The following CSMD1 variants were observed in gnomAD, a reference collection of about 807,000 sequenced individuals.
CSMD1 encodes the protein CUB and sushi domain-containing protein 1.
CSMD1 carries 213 observed loss-of-function variants against 417.5 expected under a neutral mutation model. That is an observed-to-expected ratio of 0.51 (90% CI 0.46 to 0.57). The LOEUF is 0.57. Among genes scored for constraint, CSMD1 ranks in the 20% least tolerant of loss-of-function variants. The pLI is 0.00. For missense variants in CSMD1, 6,923 were observed against 4,529.7 expected (o/e 1.53, Z -15.17); for synonymous variants, 2,862 against 1,736.8 (o/e 1.65, Z -16.11).
chr8:4,027,810 C>G (rs933928363), intron 4 of CSMD1, among the ~76,000 whole-genome samples: 2 of 149,616 alleles, frequency 1.3e-5, no homozygotes, highest in Admixed American at 6.7e-5. Context: ...GGCCAAGACA[C>G]TTGAAATGAA....
At chr8:4,486,841 G>T (rs1437415211) in intron 2 of CSMD1, among the ~76,000 whole-genome samples, 1 of 152,134 alleles carries the variant, frequency 6.6e-6, no homozygotes, top group Non-Finnish European at 1.5e-5. Flanking sequence ...CTTGGCTATT[G>T]TTATTAATTA....
chr8:4,605,401 T>A (rs1374246232), intron 2 of CSMD1, among the ~76,000 whole-genome samples: 3 of 152,168 alleles, frequency 2.0e-5, no homozygotes, highest in Non-Finnish European at 4.4e-5. Context: ...AGATAAAGAA[T>A]TGGAGGACCA....
At chr8:3,746,721 G>C (rs1021996281) in intron 6 of CSMD1, among the ~76,000 whole-genome samples, 1 of 152,172 alleles carries the variant, frequency 6.6e-6, no homozygotes, top group Admixed American at 6.5e-5. Flanking sequence ...TAATATTTAA[G>C]TGTATTTCTC....
At chr8:3,630,005 C>G (rs762966718) in intron 7 of CSMD1, among the ~76,000 whole-genome samples, 1 of 152,138 alleles carries the variant, frequency 6.6e-6, no homozygotes, top group Admixed American at 6.5e-5. Flanking sequence ...TGAACAGGCC[C>G]CAGAGTTTTA....
At position 4,367,913 on chromosome 8, in the gene CSMD1, C is replaced by T. The variant is rs961558481; in HGVS notation, c.415+52040G>A. ...TCGTACATTATTTTGTATCCTGAAA[C>T]ATTACTGAAGTTGTTTATCAGTTCT... On this transcript the variant is annotated intron_variant, in intron 3 of 69. Transcript: ENST00000635120. Among the ~76,000 whole-genome samples, 34 of 152,092 alleles carry T rather than the reference C, an allele frequency of 2.2e-4. 1 individual carries two copies. The highest frequency in any genetic ancestry group is 1.0e-4 in the Non-Finnish European group (7 of 68,026).
intron 4 of CSMD1, among the ~76,000 whole-genome samples, chr8:4,008,536 A>G (rs989707765): frequency 2.7e-5 from 4 of 150,732 alleles, no homozygotes; most frequent in Non-Finnish European, 4.4e-5. Context: ...TGAAAGTTAC[A>G]GATAAATACT....
intron 69 of CSMD1, among the ~76,000 whole-genome samples, chr8:2,941,651 A>G (rs1043566648): frequency 2.0e-5 from 3 of 152,240 alleles, no homozygotes; most frequent in Non-Finnish European, 2.9e-5. Flanking sequence ...TTTGTCCCCA[A>G]GTTTTGACAT....
chr8:3,473,989 CCTT>C (rs1817261380), intron 11 of CSMD1, among the ~76,000 whole-genome samples: 1 of 152,046 alleles, frequency 6.6e-6, no homozygotes, highest in African/African-American at 2.4e-5. Context: ...AGTAAAAACT[CCTT>C]CACCATTATG....
At chr8:3,679,282 G>C (rs185185562) in intron 7 of CSMD1, among the ~76,000 whole-genome samples, 66 of 152,198 alleles carry the variant, frequency 4.3e-4, no homozygotes, top group Non-Finnish European at 7.5e-4. Flanking sequence ...GTTGTATTCA[G>C]GAAACCCATC....
At chr8:4,059,501 G>C (rs1489340186) in intron 3 of CSMD1, among the ~76,000 whole-genome samples, 5 of 152,132 alleles carry the variant, frequency 3.3e-5, no homozygotes, top group Middle Eastern at 3.2e-3. Context: ...AATGAATCCA[G>C]GAGCTGGTTT....
In CSMD1 at chr8:4,207,476, C is replaced by G. The variant is rs916454292; in HGVS notation, c.416-175377G>C. On this transcript the variant is annotated intron_variant, in intron 3 of 69. Transcript: ENST00000635120. ...AACCATATCTAAAATTTTAAATAGCCGATTAAAATGTCTTATTCATTTAAA... is the reference window on the plus strand; with the variant it reads ...AACCATATCTAAAATTTTAAATAGCGGATTAAAATGTCTTATTCATTTAAA... Among the ~76,000 whole-genome samples the G allele has an allele frequency of 3.3e-5, 5 of 152,004 alleles. No individual in the cohort carries two copies. The East Asian group carries it at 9.6e-4, about 29-fold the overall frequency.
At chr8:4,077,295 G>GTACATATATATATATATATGTACATATA (rs1253192594) in intron 3 of CSMD1, among the ~76,000 whole-genome samples, 4 of 88,898 alleles carry the variant, frequency 4.5e-5, no homozygotes, top group African/African-American at 1.7e-4. Flanking sequence ...ATATATATAT[G>GTACATATATATATATATATGTACATATA]TGTATATATA....
chr8:4,817,470 A>G (rs1175951099), intron 1 of CSMD1, among the ~76,000 whole-genome samples: 3 of 152,234 alleles, frequency 2.0e-5, no homozygotes. Flanking sequence ...TCTAGGGAGG[A>G]GGCCCAAAGG....
At chr8:3,644,407 G>C (rs1024030624) in intron 7 of CSMD1, among the ~76,000 whole-genome samples, 1 of 152,170 alleles carries the variant, frequency 6.6e-6, no homozygotes, top group Non-Finnish European at 1.5e-5. Context: ...TGGAAGCCTC[G>C]CATTTACAGT....
At chr8:3,786,984 G>A (rs1457467993) in intron 5 of CSMD1, among the ~76,000 whole-genome samples, 1 of 152,188 alleles carries the variant, frequency 6.6e-6, no homozygotes, top group Non-Finnish European at 1.5e-5. Flanking sequence ...TAGATTAGAT[G>A]AGGGCATGGA....
At chr8:3,219,730 A>G (rs930157198) in intron 28 of CSMD1, among the ~76,000 whole-genome samples, 2 of 152,162 alleles carry the variant, frequency 1.3e-5, no homozygotes, top group Non-Finnish European at 2.9e-5. Flanking sequence ...GAGGTATGCT[A>G]TCCTTTCCGT....
chr8:3,983,658 A>T (rs1814082347), intron 5 of CSMD1, among the ~76,000 whole-genome samples: 1 of 152,148 alleles, frequency 6.6e-6, no homozygotes, highest in Non-Finnish European at 1.5e-5. Flanking sequence ...CATGATAGAG[A>T]TCATGTGGAG....
intron 2 of CSMD1, among the ~76,000 whole-genome samples, chr8:4,440,935 T>C (rs948778151): frequency 6.6e-6 from 1 of 150,848 alleles, no homozygotes; most frequent in Non-Finnish European, 1.5e-5. Context: ...AGGCGGAGGT[T>C]GCAGCGAGCC....
intron 2 of CSMD1, among the ~76,000 whole-genome samples, chr8:4,621,420 C>G (rs1801771286): frequency 6.6e-6 from 1 of 152,052 alleles, no homozygotes; most frequent in African/African-American, 2.4e-5. Flanking sequence ...GCTCAACCTG[C>G]ATTAATAACT....
Sources: gnomAD v4.1 joint callset for allele counts (sites outside exome capture counted in the v4.1 genomes callset) on GRCh38, gnomAD v4.1.1 for gene constraint, MANE v1.5 for transcripts, NCBI Gene and HGNC (gene_info 2026-07-23, HGNC 2026-07-21) for gene names.